The following PID1 variants were observed in gnomAD, a reference collection of about 807,000 sequenced individuals.
The protein encoded by PID1 is phosphotyrosine interaction domain containing 1, also known as PTB-containing, cubilin and LRP1-interacting protein.
PID1 carries 10 observed loss-of-function variants against 19.1 expected under a neutral mutation model. The ratio of observed to expected loss-of-function variants is 0.52; its 90% CI spans 0.32 to 0.89. The LOEUF (loss-of-function observed/expected upper bound fraction) is 0.89. Ranked by LOEUF, PID1 falls within the 40% of genes least tolerant of loss-of-function variation. The pLI is 0.03. For synonymous variants in PID1, 130 were observed against 116.0 expected, an observed-to-expected ratio of 1.12 and a Z score of -0.78; for missense variants, 248 against 285.3, an observed-to-expected ratio of 0.87 and a Z score of 0.94.
At chr2:229,261,358 C>G (rs537666440) in intron 1 of PID1, among the ~76,000 whole-genome samples, 52 of 152,168 alleles carry the variant, frequency 3.4e-4, no homozygotes, top group Non-Finnish European at 6.2e-4. Flanking sequence ...ATAGCTACCA[C>G]CAGGACCAGG....
intron 2 of PID1, among the ~76,000 whole-genome samples, chr2:229,120,137 A>C (rs544329914): frequency 6.6e-6 from 1 of 152,268 alleles, no homozygotes; most frequent in Admixed American, 6.5e-5. Context: ...ATTTCTTACA[A>C]GGTATTGCCT....
intron 1 of PID1, among the ~76,000 whole-genome samples, chr2:229,258,868 A>G (rs1690379826): frequency 6.6e-6 from 1 of 151,428 alleles, no homozygotes; most frequent in South Asian, 2.1e-4. Context: ...TCTCAAAAAA[A>G]AAAAAAAAAA....
chr2:229,185,050 CATATATATATCCTCCAT>C (rs1269826629), intron 1 of PID1, among the ~76,000 whole-genome samples: 23 of 144,138 alleles, frequency 1.6e-4, no homozygotes, highest in African/African-American at 5.6e-4. Flanking sequence ...ATATATGCTA[CATATATATATCCTCCAT>C]ATATATATAT....
intron 2 of PID1, among the ~76,000 whole-genome samples, chr2:229,132,395 A>T (rs912418359): frequency 6.6e-6 from 1 of 152,344 alleles, no homozygotes; most frequent in Non-Finnish European, 1.5e-5. Context: ...CACATGATTC[A>T]GCATAAGAAC....
chr2:229,078,430 T>C (rs1444287754), intron 2 of PID1, among the ~76,000 whole-genome samples: 1 of 152,214 alleles, frequency 6.6e-6, no homozygotes. Context: ...CTTCCAGCAC[T>C]ATGTTGCATA....
chr2:229,223,407 T>C (rs2106260414), intron 1 of PID1, among the ~76,000 whole-genome samples: 1 of 152,368 alleles, frequency 6.6e-6, no homozygotes, highest in East Asian at 1.9e-4. Flanking sequence ...GTGTTTCTTA[T>C]GCATTGGTTA....
chr2:229,121,391 C>T (rs1574645598), intron 2 of PID1, among the ~76,000 whole-genome samples: 1 of 152,310 alleles, frequency 6.6e-6, no homozygotes, highest in East Asian at 1.9e-4. Context: ...TTTTGTTCTA[C>T]ACATTCTGAC....
chr2:229,174,898 A>C (rs1690787454), intron 1 of PID1, among the ~76,000 whole-genome samples: 1 of 152,212 alleles, frequency 6.6e-6, no homozygotes, highest in Non-Finnish European at 1.5e-5. Flanking sequence ...GGAGATGTCT[A>C]TGTCCCTTTC....
intron 2 of PID1, among the ~76,000 whole-genome samples, chr2:229,096,719 G>C (rs925522242): frequency 1.3e-5 from 2 of 152,096 alleles, no homozygotes; most frequent in African/African-American, 4.8e-5. Context: ...ATTCAAGACT[G>C]GCTTCTATCT....
chr2:229,200,333 G>A (rs1423700017), intron 1 of PID1, among the ~76,000 whole-genome samples: 2 of 151,922 alleles, frequency 1.3e-5, no homozygotes, highest in Non-Finnish European at 2.9e-5. Flanking sequence ...ATTGCTTGGG[G>A]GGAGTGCATC....
At chr2:229,060,134 T>C (rs935888729) in intron 2 of PID1, among the ~76,000 whole-genome samples, 48 of 152,162 alleles carry the variant, frequency 3.2e-4, no homozygotes, top group Non-Finnish European at 8.8e-5. Context: ...GGTGAAAATA[T>C]TTAAAGTCTA....
At chr2:229,105,582 T>C (rs1311666260) in intron 2 of PID1, among the ~76,000 whole-genome samples, 1 of 152,216 alleles carries the variant, frequency 6.6e-6, no homozygotes, top group Non-Finnish European at 1.5e-5. Flanking sequence ...GTACTGTCAG[T>C]TCCCAAGTCG....
intron 2 of PID1, among the ~76,000 whole-genome samples, chr2:229,038,141 T>C (rs1574574697): frequency 6.6e-6 from 1 of 152,166 alleles, no homozygotes; most frequent in Non-Finnish European, 1.5e-5. Context: ...AGTGGAGATT[T>C]GGAACAAAAG....
At chr2:229,072,114 C>T (rs1278897311) in intron 2 of PID1, among the ~76,000 whole-genome samples, 1 of 152,068 alleles carries the variant, frequency 6.6e-6, no homozygotes, top group Non-Finnish European at 1.5e-5. Flanking sequence ...ACGATTTAGT[C>T]CATCAATCTG....
intron 1 of PID1, among the ~76,000 whole-genome samples, chr2:229,166,414 A>C (rs74885101): frequency 6.6e-6 from 1 of 152,190 alleles, no homozygotes; most frequent in African/African-American, 2.4e-5. Context: ...TTACATATGC[A>C]TGGTTTATTA....
chr2:229,180,245 G>C (rs887816492), intron 1 of PID1, among the ~76,000 whole-genome samples: 2 of 152,122 alleles, frequency 1.3e-5, no homozygotes, highest in Non-Finnish European at 2.9e-5. Context: ...ACTCATCAAA[G>C]ATTAAATTAT....
At chr2:229,248,949 A>G (rs920406362) in intron 1 of PID1, among the ~76,000 whole-genome samples, 1 of 152,192 alleles carries the variant, frequency 6.6e-6, no homozygotes, top group African/African-American at 2.4e-5. Context: ...GGCTTTCTTG[A>G]TGATGCTCAA....
At chr2:229,099,330 C>T (rs1031728943) in intron 2 of PID1, among the ~76,000 whole-genome samples, 1 of 152,132 alleles carries the variant, frequency 6.6e-6, no homozygotes, top group African/African-American at 2.4e-5. Flanking sequence ...ACATATTAGG[C>T]AGCAGATGTA....
chr2:229,250,606 G>A (rs778555635), intron 1 of PID1, among the ~76,000 whole-genome samples: 31 of 152,266 alleles, frequency 2.0e-4, no homozygotes, highest in Admixed American at 9.2e-4. Flanking sequence ...CAATTTTCTC[G>A]TTTTCCTTAT....
Sources: allele counts gnomAD v4.1 joint callset (sites outside exome capture counted in the v4.1 genomes callset), GRCh38; gene constraint gnomAD v4.1.1; transcripts MANE v1.5; gene names NCBI Gene and HGNC (gene_info 2026-07-23, HGNC 2026-07-21).